The following CTSL variants were observed in gnomAD, a reference collection of about 807,000 sequenced individuals.
CTSL encodes cathepsin L.
A neutral mutation model predicts 34.7 loss-of-function variants in CTSL; 23 were observed. That is an observed-to-expected ratio of 0.66 (90% CI 0.48 to 0.94). The LOEUF (loss-of-function observed/expected upper bound fraction) is 0.94, where lower values mean the gene tolerates loss of function less well. CTSL is among the 40% of genes least tolerant of loss of function. The pLI is 0.00. For synonymous variants in CTSL, 129 were observed against 136.7 expected (o/e 0.94, Z 0.39); for missense variants, 361 against 406.3 (o/e 0.89, Z 0.96).
chr9:87,730,566 G>T, intron 7 of CTSL, 68 bp downstream of exon 7: 1 of 1,121,228 alleles, frequency 8.9e-7, no homozygotes, highest in South Asian at 1.4e-5. Flanking sequence ...ACAGTGTTTG[G>T]ATACAGTTCC....
At chr9:87,727,992 GAAGTA>G (rs1186637932) in intron 2 of CTSL, 30 bp from the exon 3 acceptor site, 2 of 1,610,938 alleles carry the variant, frequency 1.2e-6, no homozygotes, top group South Asian at 2.2e-5. Flanking sequence ...GTTTTAGGTA[GAAGTA>G]AAGAGCATCA....
At chr9:87,729,869 A>G in intron 6 of CTSL, 134 bp downstream of exon 6, 1 of 768,994 alleles carries the variant, frequency 1.3e-6, no homozygotes, top group South Asian at 2.3e-5. Context: ...TTCATTCTGT[A>G]CATGCAATAT....
intron 5 of CTSL, chr9:87,729,053 G>C: frequency 9.2e-7 from 1 of 1,087,194 alleles, no homozygotes; most frequent in Non-Finnish European, 1.3e-6. Flanking sequence ...GCCGGCTGTG[G>C]TGGTGTGCGT....
In CTSL at chr9:87,730,377, C is replaced by T; in HGVS notation, c.785-4C>T. The T allele has an allele frequency of 6.2e-7, 1 of 1,602,504 alleles. No individual in the cohort carries two copies. Among genetic ancestry groups the T allele is most frequent in the Non-Finnish European group, 8.5e-7 (1 of 1,174,028 alleles). On this transcript the variant is annotated splice_polypyrimidine_tract_variant and splice_region_variant and intron_variant, in intron 6 of 7. Transcript: ENST00000343150. Reference sequence around the variant, plus strand: ...TCACCCCAGCCCTCATTTTACCATCCCAGGCATTTATTTTGAGCCAGACTG... The same window carrying T: ...TCACCCCAGCCCTCATTTTACCATCTCAGGCATTTATTTTGAGCCAGACTG...
At position 87,730,657 on chromosome 9, in the gene CTSL, A is replaced by G. The variant is rs149304125; in HGVS notation, c.902+159A>G. Among the ~76,000 whole-genome samples the G allele has an allele frequency of 2.0e-5, 3 of 152,396 alleles. No homozygotes were observed. In the East Asian group the frequency reaches 5.8e-4, roughly 29 times the overall value. ...ATTAATGTTTGATTATAAAAGTAAGAAACTGTCACAAATATCTTGGGAGTA... is the reference window on the plus strand; with the variant it reads ...ATTAATGTTTGATTATAAAAGTAAGGAACTGTCACAAATATCTTGGGAGTA... On this transcript the variant is annotated intron_variant, in intron 7 of 7. Transcript: ENST00000343150.
chr9:87,727,946 CTCTG>C, intron 2 of CTSL, 77 bp from the exon 3 acceptor site: 1 of 1,586,464 alleles, frequency 6.3e-7, no homozygotes, highest in Non-Finnish European at 8.6e-7. Flanking sequence ...TCTCTTCCAT[CTCTG>C]TCTGCAGATT....
intron 7 of CTSL, among the ~76,000 whole-genome samples, 178 bp from the exon 8 acceptor site, chr9:87,730,830 A>G (rs1175953544): frequency 6.6e-6 from 1 of 152,188 alleles, no homozygotes; most frequent in Non-Finnish European, 1.5e-5. Context: ...GGAGGCTGGG[A>G]TGGAAATTAT....
In CTSL at chr9:87,729,700, A is replaced by T. The variant is rs766722281; in HGVS notation, c.749A>T (p.Asp250Val). 1.2e-6 allele frequency: 2 copies of T among 1,613,912 alleles called. No homozygotes were observed. Among genetic ancestry groups the T allele is most frequent in the South Asian group, 1.1e-5 (1 of 90,966 alleles). Residue 250 changes from aspartate (D) to valine (V), a missense_variant, in exon 6 of 8, where the codon GAT becomes GTT. Coordinates refer to ENST00000343150, the MANE Select transcript of CTSL (RefSeq NM_001912.5). ...ATVGPISVAI[D>V]AGHESFLFYK... ...GTGGGGCCCATTTCTGTTGCTATTGATGCAGGTCATGAGTCCTTCCTGTTC... is the reference window on the plus strand; with the variant it reads ...GTGGGGCCCATTTCTGTTGCTATTGTTGCAGGTCATGAGTCCTTCCTGTTC...
chr9:87,731,352 A>G lies in CTSL; in HGVS notation c.*245A>G, dbSNP rs1826254818. ...TGCATTTTCGTTTTTAAAAGGATGT[A>G]TAAATTTTTACCTGTTTAAATAAAA... is the stretch of plus-strand genomic sequence containing the variant. On this transcript the variant is annotated 3_prime_UTR_variant, in exon 8 of 8. Transcript: ENST00000343150. The G allele has an allele frequency of 2.4e-5, 8 of 329,588 alleles. No homozygotes were observed. The highest frequency in any genetic ancestry group is 3.3e-5 in the Non-Finnish European group (6 of 182,588). The allele number at this position is 329,588 out of a possible 1,614,324, so 20.4% of individuals were successfully genotyped here. A position where few individuals can be genotyped will look rare whatever the true frequency, so the allele number is the denominator to read the frequency against.
At chr9:87,729,886 CTGA>C (rs958467142) in intron 6 of CTSL, 151 bp downstream of exon 6, 32 of 656,368 alleles carry the variant, frequency 4.9e-5, no homozygotes, top group Non-Finnish European at 7.5e-5. Context: ...ATATTTATAC[CTGA>C]TGTTTCCATT....
chr9:87,728,325 C>T lies in CTSL; in HGVS notation c.325C>T (p.Pro109Ser), dbSNP rs1164885125. The change falls in exon 4 of 8, where the codon CCT becomes TCT. Residue 109 changes from proline (P) to serine (S), a missense_variant. Transcript: ENST00000343150. ...KPRKGKVFQE[P>S]LFYEAPRSVD... ...CAGGAAGGGGAAAGTGTTCCAGGAA[C>T]CTCTGTTTTATGAGGCCCCCAGATC... is the stretch of plus-strand genomic sequence containing the variant. The T allele has an allele frequency of 6.2e-7, 1 of 1,614,110 alleles. No individual in the cohort carries two copies. The highest frequency in any genetic ancestry group is 1.6e-4 in the Middle Eastern group (1 of 6,062).
intron 1 of CTSL, among the ~76,000 whole-genome samples, chr9:87,727,038 C>CAAAA (rs1343645276): frequency 8.4e-6 from 1 of 119,544 alleles, no homozygotes; most frequent in South Asian, 3.2e-4. Context: ...GACTCCATCT[C>CAAAA]AAAAAATAAA....
Position 87,728,356 on chromosome 9 carries a change from A to G in CTSL, c.356A>G (p.Asp119Gly). Residue 119 changes from aspartate (D) to glycine (G), a missense_variant, in exon 4 of 8, where the codon GAT (aspartate) becomes GGT (glycine). By Grantham distance (94) the Asp-to-Gly change is moderately conservative (BLOSUM62 -1). Coordinates refer to ENST00000343150, the MANE Select transcript of CTSL (RefSeq NM_001912.5). Reference sequence around the variant, plus strand: ...TTTTATGAGGCCCCCAGATCTGTGGATTGGAGAGAGAAAGGCTACGTGACT... The same window carrying G: ...TTTTATGAGGCCCCCAGATCTGTGGGTTGGAGAGAGAAAGGCTACGTGACT... ...PLFYEAPRSV[D>G]WREKGYVTPV... The G allele has an allele frequency of 1.2e-6, 2 of 1,614,124 alleles. No individual in the cohort carries two copies. Among genetic ancestry groups the G allele is most frequent in the Non-Finnish European group, 1.7e-6 (2 of 1,180,024 alleles).
Position 87,729,614 on chromosome 9 carries a change from T to C in CTSL, c.663T>C (p.Asn221=). Residue 221 remains asparagine, a synonymous_variant, in exon 6 of 8, where the codon AAT becomes AAC. Coordinates refer to ENST00000343150, the MANE Select transcript of CTSL (RefSeq NM_001912.5). The stretch of plus-strand genomic sequence containing the variant: ...ACAATCCCAAGTATTCTGTTGCTAA[T>C]GACACCGGCTTTGTGGACATCCCTA... ...CKYNPKYSVA[N]DTGFVDIPKQ... 2.5e-6 allele frequency: 4 copies of C among 1,614,192 alleles called. No homozygotes were observed. The highest frequency in any genetic ancestry group is 3.4e-6 in the Non-Finnish European group (4 of 1,180,026).
chr9:87,730,921 T>C, intron 7 of CTSL, 87 bp from the exon 8 acceptor site: 1 of 1,045,450 alleles, frequency 9.6e-7, no homozygotes. Flanking sequence ...CTATGGCCTC[T>C]GGCACAGTGT....
Position 87,729,717 on chromosome 9 carries a change from T to C in CTSL, c.766T>C (p.Phe256Leu), listed in dbSNP as rs931937797. The part of the protein sequence containing the change: ...SVAIDAGHES[F>L]LFYKEGIYFE... ...TGCTATTGATGCAGGTCATGAGTCCTTCCTGTTCTATAAAGAAGGTAAGCA... is the reference window on the plus strand; with the variant it reads ...TGCTATTGATGCAGGTCATGAGTCCCTCCTGTTCTATAAAGAAGGTAAGCA... Residue 256 changes from phenylalanine (F) to leucine (L), a missense_variant, in exon 6 of 8, where the codon TTC (phenylalanine) becomes CTC (leucine). Transcript: ENST00000343150. The C allele has an allele frequency of 1.9e-6, 3 of 1,606,478 alleles. No individual in the cohort carries two copies. The highest frequency in any genetic ancestry group is 2.5e-6 in the Non-Finnish European group (3 of 1,178,130).
At chr9:87,727,812 C>A in intron 2 of CTSL, 83 bp downstream of exon 2, 4 of 1,527,338 alleles carry the variant, frequency 2.6e-6, no homozygotes, top group Non-Finnish European at 3.6e-6. Flanking sequence ...CCAGCTTTTA[C>A]CAATAGCCTA....
At position 87,726,218 on chromosome 9, in the gene CTSL, C is replaced by G. The variant is rs1032016453; in HGVS notation, c.-191C>G. On this transcript the variant is annotated 5_prime_UTR_variant, in exon 1 of 8. Coordinates refer to ENST00000343150, the MANE Select transcript of CTSL (RefSeq NM_001912.5). Reference sequence around the variant, plus strand: ...GCCGCCGGCCAGGCCCAGCTGTGGCCGGACAGGGACTGGAAGAGAGGACGC... The same window carrying G: ...GCCGCCGGCCAGGCCCAGCTGTGGCGGGACAGGGACTGGAAGAGAGGACGC... The G allele has an allele frequency of 2.0e-5, 3 of 152,580 alleles. No individual in the cohort carries two copies. The highest frequency in any genetic ancestry group is 2.1e-4 in the South Asian group (1 of 4,840). 9.5% of individuals were successfully genotyped at this position (152,580 alleles called of 1,614,324 possible).
intron 2 of CTSL, 42 bp from the exon 3 acceptor site, chr9:87,727,982 GTTT>G: frequency 1.9e-6 from 3 of 1,609,282 alleles, no homozygotes; most frequent in Non-Finnish European, 2.5e-6. Context: ...GATGAGTTGG[GTTT>G]TAGGTAGAAG....
Sources: gnomAD v4.1 joint callset for allele counts (sites outside exome capture counted in the v4.1 genomes callset) on GRCh38, gnomAD v4.1.1 for gene constraint, MANE v1.5 for transcripts, NCBI Gene and HGNC (gene_info 2026-07-23, HGNC 2026-07-21) for gene names.